The following ENPP2 variants were observed in gnomAD, a reference collection of about 807,000 sequenced individuals.
ENPP2 encodes the protein autotaxin.
ENPP2 carries 51 observed loss-of-function variants against 120.2 expected under a neutral mutation model. The ratio of observed to expected loss-of-function variants is 0.42; its 90% CI spans 0.34 to 0.54. The LOEUF (loss-of-function observed/expected upper bound fraction) is 0.54. Among genes scored for constraint, ENPP2 ranks in the 20% least tolerant of loss-of-function variants. The pLI is 0.04. For synonymous variants in ENPP2, 365 were observed against 366.4 expected (o/e 1.00, Z 0.04); for missense variants, 920 against 1,066.5 (o/e 0.86, Z 1.91).
chr8:119,673,227 G>T, intron 1 of ENPP2: 1 of 1,527,910 alleles, frequency 6.5e-7, no homozygotes. Context: ...AATGGAGGAC[G>T]GGTAGAGAGA....
chr8:119,633,452 C>A (rs998236633), intron 2 of ENPP2, among the ~76,000 whole-genome samples: 3 of 151,104 alleles, frequency 2.0e-5, no homozygotes. Context: ...GTTATACCAG[C>A]TCCTTTTCTC....
intron 11 of ENPP2, among the ~76,000 whole-genome samples, chr8:119,596,296 T>C (rs2130505691): frequency 6.6e-6 from 1 of 152,318 alleles, no homozygotes; most frequent in East Asian, 1.9e-4. Flanking sequence ...TATGGGAAGG[T>C]GGCATTAGAC....
At chr8:119,659,756 T>C (rs747766635) in intron 1 of ENPP2, among the ~76,000 whole-genome samples, 2 of 152,228 alleles carry the variant, frequency 1.3e-5, no homozygotes, top group African/African-American at 2.4e-5. Context: ...CTGATTGCTT[T>C]TCTTTCTTTT....
chr8:119,670,467 A>T (rs1400184945), intron 1 of ENPP2, among the ~76,000 whole-genome samples: 1 of 152,198 alleles, frequency 6.6e-6, no homozygotes, highest in Non-Finnish European at 1.5e-5. Flanking sequence ...TGAGCATCCC[A>T]CCTGGGTCTA....
chr8:119,577,064 G>A (rs75326083), intron 19 of ENPP2, among the ~76,000 whole-genome samples: 2,157 of 152,030 alleles, frequency 0.014, 33 homozygotes, highest in African/African-American at 0.041. Flanking sequence ...CATGTATTTT[G>A]TACAGATGTA....
intron 8 of ENPP2, among the ~76,000 whole-genome samples, chr8:119,612,478 A>G (rs770733766): frequency 3.9e-5 from 6 of 152,158 alleles, no homozygotes; most frequent in Non-Finnish European, 7.3e-5. Context: ...TGTCTTAAAC[A>G]CACATTTCTT....
intron 11 of ENPP2, among the ~76,000 whole-genome samples, chr8:119,597,336 C>A (rs553768438): frequency 6.9e-4 from 105 of 152,274 alleles, no homozygotes; most frequent in African/African-American, 2.4e-3. Context: ...AACTCTATGC[C>A]ATTTGCAAGA....
rs779295605 is a variant in ENPP2 at position 119,562,960 on chromosome 8, G to A, written c.2318C>T (p.Thr773Ile). The part of the protein sequence containing the change: ...PVPTHYYSII[T>I]SCLDFTQPAD... ...AGGCTGAGTGAAATCCAGACAGCTG[G>A]TGATGATGCTGTAGTAGTGAGTTGG... is the stretch of plus-strand genomic sequence containing the variant. Residue 773 changes from threonine (T) to isoleucine (I), a missense_variant, in exon 24 of 25, where the codon ACC (threonine) becomes ATC (isoleucine). Physicochemically the swap from Thr to Ile is moderately conservative, Grantham distance 89 (BLOSUM62 -1). Coordinates refer to ENST00000075322, the MANE Select transcript of ENPP2 (RefSeq NM_001040092.3). The A allele has an allele frequency of 2.5e-6, 4 of 1,614,022 alleles. No homozygotes were observed. In the South Asian group the frequency reaches 3.3e-5, roughly 13 times the overall value.
intron 2 of ENPP2, among the ~76,000 whole-genome samples, chr8:119,630,526 C>T (rs1325408613): frequency 3.9e-5 from 6 of 152,194 alleles, no homozygotes; most frequent in African/African-American, 9.7e-5. Context: ...CTAAATTTGT[C>T]CTTTGCTTTG....
At chr8:119,583,678 A>G in intron 17 of ENPP2, 39 bp downstream of exon 17, 1 of 1,121,022 alleles carries the variant, frequency 8.9e-7, no homozygotes, top group Non-Finnish European at 1.3e-6. Flanking sequence ...ATACTAACTA[A>G]AGATTGTTTC....
chr8:119,568,042 C>A (rs770706243), intron 22 of ENPP2, 133 bp downstream of exon 22: 10 of 588,090 alleles, frequency 1.7e-5, no homozygotes, highest in South Asian at 1.4e-4. Context: ...CATGAAAGAT[C>A]CTCAAAAATT....
intron 1 of ENPP2, among the ~76,000 whole-genome samples, chr8:119,646,793 T>C (rs1448471545): frequency 2.6e-5 from 4 of 152,180 alleles, no homozygotes; most frequent in Non-Finnish European, 5.9e-5. Flanking sequence ...CTTGATTAAG[T>C]TGTGCTCTTT....
chr8:119,615,745 C>T (rs1235032515), intron 8 of ENPP2, among the ~76,000 whole-genome samples: 1 of 152,048 alleles, frequency 6.6e-6, no homozygotes, highest in Non-Finnish European at 1.5e-5. Flanking sequence ...AGCATCAGGG[C>T]TAGCATATTG....
intron 2 of ENPP2, among the ~76,000 whole-genome samples, chr8:119,637,139 G>C (rs925578682): frequency 3.9e-5 from 6 of 152,114 alleles, no homozygotes; most frequent in Admixed American, 3.3e-4. Flanking sequence ...CCATGCTAAG[G>C]ATCTGATTCC....
chr8:119,578,054 G>A (rs1812470370), intron 19 of ENPP2, among the ~76,000 whole-genome samples: 1 of 151,886 alleles, frequency 6.6e-6, no homozygotes, highest in Non-Finnish European at 1.5e-5. Context: ...TGTTGTTGTT[G>A]TTGTTTGTTT....
At chr8:119,653,739 G>C (rs1817688804) in intron 1 of ENPP2, among the ~76,000 whole-genome samples, 3 of 152,002 alleles carry the variant, frequency 2.0e-5, no homozygotes, top group South Asian at 4.1e-4. Flanking sequence ...ACAATGACAT[G>C]GTCCAATTTA....
chr8:119,610,503 A>G (rs2130653246), intron 8 of ENPP2, among the ~76,000 whole-genome samples: 1 of 151,994 alleles, frequency 6.6e-6, no homozygotes, highest in South Asian at 2.1e-4. Flanking sequence ...AGAGAGAGAG[A>G]GAGAGAGAGA....
At chr8:119,658,867 C>A (rs182571052) in intron 1 of ENPP2, among the ~76,000 whole-genome samples, 71 of 152,142 alleles carry the variant, frequency 4.7e-4, no homozygotes, top group Middle Eastern at 3.4e-3. Flanking sequence ...AAGAGAATGC[C>A]GAAGAAAAGG....
intron 22 of ENPP2, among the ~76,000 whole-genome samples, chr8:119,565,410 C>G (rs1814334447): frequency 6.6e-6 from 1 of 152,176 alleles, no homozygotes; most frequent in Admixed American, 6.5e-5. Context: ...CTGACCTTTC[C>G]TGGAGATCCA....
Sources: gnomAD v4.1 joint callset for allele counts (sites outside exome capture counted in the v4.1 genomes callset) on GRCh38, gnomAD v4.1.1 for gene constraint, MANE v1.5 for transcripts, NCBI Gene and HGNC (gene_info 2026-07-23, HGNC 2026-07-21) for gene names.